ITPR1: variants seen among roughly 807,000 people sequenced by gnomAD.
ITPR1 encodes the protein inositol 1,4,5-trisphosphate receptor type 1.
A neutral mutation model predicts 318.4 loss-of-function variants in ITPR1; 96 were observed. That is an observed-to-expected ratio of 0.30 (90% CI 0.26 to 0.36). ITPR1 has a LOEUF of 0.36. ITPR1 is among the 10% of genes least tolerant of loss of function. The probability of loss-of-function intolerance (pLI) is 1.00; values close to 1 mark genes in which losing one functional copy is unlikely to be tolerated. For synonymous variants in ITPR1, 1,312 were observed against 1,289.9 expected (o/e 1.02, Z -0.37); for missense variants, 2,440 against 3,460.2 (o/e 0.71, Z 7.40).
chr3:4,813,101 C>T, intron 56 of ITPR1, 41 bp from the exon 57 acceptor site: 2 of 1,473,324 alleles, frequency 1.4e-6, no homozygotes, highest in Non-Finnish European at 1.9e-6. Flanking sequence ...TAACCATATG[C>T]TGCCAGATTG....
intron 4 of ITPR1, among the ~76,000 whole-genome samples, chr3:4,573,875 A>G (rs1335650782): frequency 1.3e-5 from 2 of 152,190 alleles, no homozygotes; most frequent in Non-Finnish European, 2.9e-5. Flanking sequence ...TGACTTTCTT[A>G]TGGCTGTTTT....
At chr3:4,805,165 C>T (rs1022848959) in intron 54 of ITPR1, among the ~76,000 whole-genome samples, 1 of 152,236 alleles carries the variant, frequency 6.6e-6, no homozygotes, top group Non-Finnish European at 1.5e-5. Flanking sequence ...AAGAAACCAA[C>T]AGCCTCGCTT....
chr3:4,552,940 G>A (rs1196857973), intron 4 of ITPR1, among the ~76,000 whole-genome samples: 1 of 152,202 alleles, frequency 6.6e-6, no homozygotes, highest in African/African-American at 2.4e-5. Context: ...CAATGTGACA[G>A]TAATGATTTA....
intron 56 of ITPR1, among the ~76,000 whole-genome samples, chr3:4,812,438 C>T (rs1487098019): frequency 6.6e-6 from 1 of 152,078 alleles, no homozygotes. Flanking sequence ...GGCTTTTTTA[C>T]TATATGCAGG....
chr3:4,746,242 C>T (rs1350831725), intron 44 of ITPR1, among the ~76,000 whole-genome samples: 1 of 152,198 alleles, frequency 6.6e-6, no homozygotes, highest in Non-Finnish European at 1.5e-5. Context: ...GTGATGCCCC[C>T]CAAATGGAAC....
At chr3:4,658,351 C>A in intron 13 of ITPR1, 73 bp downstream of exon 13, 1 of 1,292,810 alleles carries the variant, frequency 7.7e-7, no homozygotes, top group Non-Finnish European at 1.1e-6. Flanking sequence ...TTCTTGGAAT[C>A]CAAATCGTTA....
intron 4 of ITPR1, among the ~76,000 whole-genome samples, chr3:4,565,466 G>T (rs1404536379): frequency 6.6e-6 from 1 of 152,190 alleles, no homozygotes; most frequent in Non-Finnish European, 1.5e-5. Flanking sequence ...GTACTGAGAA[G>T]ATTAATTAGT....
In ITPR1 at chr3:4,775,209, T is replaced by G. The variant is rs183200085; in HGVS notation, c.5980-33T>G. 47 of 1,501,930 alleles carry G rather than the reference T, an allele frequency of 3.1e-5. No individual in the cohort carries two copies. The Admixed American group carries it at 5.9e-4, about 19-fold the overall frequency. The allele number at this position is 1,501,930 out of a possible 1,614,324, so 93.0% of individuals were successfully genotyped here. On this transcript the variant is annotated intron_variant, in intron 46 of 61. Coordinates refer to ENST00000649015, the MANE Select transcript of ITPR1 (RefSeq NM_001378452.1). ...AACGTTTCCCTCTTCCCTCTGCCTT[T>G]GCTCACCGAACCTGGGGACTACCCA... is the stretch of plus-strand genomic sequence containing the variant.
intron 60 of ITPR1, among the ~76,000 whole-genome samples, chr3:4,827,055 G>A (rs1239708906): frequency 6.6e-6 from 1 of 152,358 alleles, no homozygotes; most frequent in Admixed American, 6.5e-5. Context: ...GTCCAACGAT[G>A]TATGAGTTTG....
chr3:4,573,779 T>G (rs2125040636), intron 4 of ITPR1, among the ~76,000 whole-genome samples: 1 of 152,350 alleles, frequency 6.6e-6, no homozygotes, highest in Non-Finnish European at 1.5e-5. Context: ...AAAAAGGTAC[T>G]CACTGTCAAC....
chr3:4,499,987 C>T lies in ITPR1; in HGVS notation c.-17+5481C>T, dbSNP rs2080901006. 3.3e-5 allele frequency among the ~76,000 whole-genome samples: 5 copies of T among 152,156 alleles called. 1 individual carries two copies. Among genetic ancestry groups the T allele is most frequent in the Admixed American group, 3.3e-4 (5 of 15,280 alleles). On this transcript the variant is annotated intron_variant, in intron 2 of 61. Transcript: ENST00000649015. ...GTCTACTCTTGTTATATGAGCACCCCTTGATGCTCACTACCTGAATCCATT... is the reference window on the plus strand; with the variant it reads ...GTCTACTCTTGTTATATGAGCACCCTTTGATGCTCACTACCTGAATCCATT...
rs1223111588 is a variant in ITPR1, at chr3:4,554,642, A to G, written c.163+33548A>G. On this transcript the variant is annotated intron_variant, in intron 4 of 61. Coordinates refer to ENST00000649015, the MANE Select transcript of ITPR1 (RefSeq NM_001378452.1). ...ACATCAACCCCCTGAGAGAGAGCAG[A>G]TGGGCAGAGACTGAGGACTGAGGTT... is the stretch of plus-strand genomic sequence containing the variant. Among the ~76,000 whole-genome samples the G allele has an allele frequency of 3.3e-5, 5 of 152,062 alleles. 1 individual carries two copies. The highest frequency in any genetic ancestry group is 2.0e-4 in the Admixed American group (3 of 15,266).
intron 37 of ITPR1, among the ~76,000 whole-genome samples, chr3:4,709,968 T>G (rs529541277): frequency 6.6e-6 from 1 of 152,354 alleles, no homozygotes; most frequent in East Asian, 1.9e-4. Context: ...AAAAATAGGA[T>G]TATTATTGTT....
At chr3:4,716,827 G>A (rs1280567078) in intron 39 of ITPR1, among the ~76,000 whole-genome samples, 1 of 152,158 alleles carries the variant, frequency 6.6e-6, no homozygotes, top group South Asian at 2.1e-4. Flanking sequence ...TCATCCTAGA[G>A]GGAATATAGT....
At chr3:4,680,732 CT>C (rs762791018) in intron 25 of ITPR1, 41 bp downstream of exon 25, 2 of 1,560,232 alleles carry the variant, frequency 1.3e-6, no homozygotes. Context: ...AGAATGGGAC[CT>C]GGCTCTAAGG....
chr3:4,539,565 A>G (rs920245772), intron 4 of ITPR1, among the ~76,000 whole-genome samples: 3 of 152,174 alleles, frequency 2.0e-5, no homozygotes, highest in Non-Finnish European at 4.4e-5. Context: ...GTTAAAACTC[A>G]TAGAACTGTA....
chr3:4,615,300 G>T (rs2092340268), intron 4 of ITPR1, among the ~76,000 whole-genome samples: 1 of 152,078 alleles, frequency 6.6e-6, no homozygotes, highest in African/African-American at 2.4e-5. Context: ...TCGGGCTACT[G>T]GTTGGAAGGA....
At chr3:4,607,699 C>T (rs189785309) in intron 4 of ITPR1, among the ~76,000 whole-genome samples, 39 of 152,004 alleles carry the variant, frequency 2.6e-4, no homozygotes, top group African/African-American at 5.5e-4. Flanking sequence ...TGCAGTCATA[C>T]GGGTGTGGGT....
intron 4 of ITPR1, among the ~76,000 whole-genome samples, chr3:4,537,766 G>C (rs565569662): frequency 6.6e-6 from 1 of 152,216 alleles, no homozygotes; most frequent in East Asian, 1.9e-4. Flanking sequence ...CAGCCCTGCT[G>C]ATACCTTGAT....
Sources: gnomAD v4.1 joint callset for allele counts (sites outside exome capture counted in the v4.1 genomes callset) on GRCh38, gnomAD v4.1.1 for gene constraint, MANE v1.5 for transcripts, NCBI Gene and HGNC (gene_info 2026-07-23, HGNC 2026-07-21) for gene names.